The following ZNF536 variants were observed in gnomAD, a reference collection of about 807,000 sequenced individuals.
ZNF536 encodes zinc finger protein 536.
In ZNF536, 13 loss-of-function variants were observed where a neutral mutation model predicts 84.5. The observed-to-expected ratio is 0.15, with a 90% CI of 0.10 to 0.24. The LOEUF (loss-of-function observed/expected upper bound fraction) is 0.24, where lower values mean the gene tolerates loss of function less well. Ranked by LOEUF, ZNF536 falls within the 10% of genes least tolerant of loss-of-function variation. The pLI is 1.00. For missense variants in ZNF536, 1,536 were observed against 1,747.5 expected (o/e 0.88, Z 2.16); for synonymous variants, 811 against 742.5 (o/e 1.09, Z -1.50).
At chr19:30,541,461 T>C (rs1221127346) in intron 3 of ZNF536, among the ~76,000 whole-genome samples, 1 of 152,122 alleles carries the variant, frequency 6.6e-6, no homozygotes, top group Non-Finnish European at 1.5e-5. Context: ...GAATTAAAAT[T>C]CCATCATTTT....
chr19:30,603,363 G>T (rs892374227), intron 1 of ZNF536, among the ~76,000 whole-genome samples: 3 of 152,236 alleles, frequency 2.0e-5, no homozygotes, highest in African/African-American at 7.2e-5. Flanking sequence ...CAAAACTTCT[G>T]GTACCTGGCT....
chr19:30,651,711 G>A (rs1782844438), intron 1 of ZNF536, among the ~76,000 whole-genome samples: 1 of 152,128 alleles, frequency 6.6e-6, no homozygotes, highest in Admixed American at 6.5e-5. Flanking sequence ...ATAAAGAATT[G>A]TTGGGTATCG....
chr19:30,565,363 T>A (rs2046313896), intron 1 of ZNF536, among the ~76,000 whole-genome samples: 1 of 152,104 alleles, frequency 6.6e-6, no homozygotes. Context: ...CTGGGGAGAC[T>A]TGGCCTGCTA....
chr19:30,423,845 G>T (rs2051092544), intron 1 of ZNF536, among the ~76,000 whole-genome samples: 1 of 152,070 alleles, frequency 6.6e-6, no homozygotes, highest in African/African-American at 2.4e-5. Context: ...TCAGGGAGGT[G>T]GGGGCAGGTG....
At chr19:30,226,381 G>T (rs745720925), upstream of ZNF536, among the ~76,000 whole-genome samples, 18 of 152,174 alleles carry the variant, frequency 1.2e-4, no homozygotes, top group Non-Finnish European at 2.5e-4. This position sits in a 1 kb window ranked among gnomAD's most constrained non-coding sequence, Gnocchi z 4.6. Flanking sequence ...CCCGTGGAGA[G>T]AGGGTAATTT....
intron 2 of ZNF536, among the ~76,000 whole-genome samples, chr19:30,325,945 A>T (rs1311598977): frequency 6.6e-6 from 1 of 152,138 alleles, no homozygotes; most frequent in African/African-American, 2.4e-5. Flanking sequence ...CCCCTCCCAC[A>T]CCCGCAGATG....
chr19:30,438,480 C>T (rs1034880566), intron 1 of ZNF536, among the ~76,000 whole-genome samples: 4 of 152,048 alleles, frequency 2.6e-5, no homozygotes, highest in African/African-American at 9.7e-5. Context: ...GTCAGTGGGG[C>T]GTGTAGGCTA....
At chr19:30,676,409 A>T (rs2050755149) in intron 1 of ZNF536, among the ~76,000 whole-genome samples, 1 of 152,234 alleles carries the variant, frequency 6.6e-6, no homozygotes, top group Non-Finnish European at 1.5e-5. Context: ...AGGAAGTCAC[A>T]TGCCTCCATC....
intron 2 of ZNF536, among the ~76,000 whole-genome samples, chr19:30,471,219 C>T (rs2053622801): frequency 6.6e-6 from 1 of 152,144 alleles, no homozygotes; most frequent in Non-Finnish European, 1.5e-5. Context: ...CTCATCACAT[C>T]GTGTCCTATT....
At chr19:30,666,384 C>G (rs2050319105) in intron 1 of ZNF536, among the ~76,000 whole-genome samples, 1 of 152,162 alleles carries the variant, frequency 6.6e-6, no homozygotes, top group South Asian at 2.1e-4. Flanking sequence ...TTTCTCCCTC[C>G]CTTTCCCTGC....
At chr19:30,492,588 C>T (rs139248864) in intron 2 of ZNF536, among the ~76,000 whole-genome samples, 187 of 152,248 alleles carry the variant, frequency 1.2e-3, no homozygotes, top group African/African-American at 4.1e-3. Context: ...TTCTCATAAA[C>T]CTTCTTTGTA....
intron 1 of ZNF536, among the ~76,000 whole-genome samples, chr19:30,582,531 C>G (rs2046957698): frequency 6.6e-6 from 1 of 152,022 alleles, no homozygotes; most frequent in South Asian, 2.1e-4. Flanking sequence ...CCTGGGACTA[C>G]AGGTGCATGC....
At chr19:30,291,663 G>C (rs1212178786) in intron 2 of ZNF536, among the ~76,000 whole-genome samples, 1 of 152,186 alleles carries the variant, frequency 6.6e-6, no homozygotes, top group African/African-American at 2.4e-5. Flanking sequence ...CTGCCATACT[G>C]TTTTCCATAG....
chr19:30,645,824 A>G (rs902607842), intron 1 of ZNF536, among the ~76,000 whole-genome samples: 1 of 152,178 alleles, frequency 6.6e-6, no homozygotes, highest in Non-Finnish European at 1.5e-5. Context: ...ATCTAGACAC[A>G]TATGTTCTGA....
chr19:30,527,443 C>T (rs962959176), intron 2 of ZNF536, among the ~76,000 whole-genome samples: 1 of 151,800 alleles, frequency 6.6e-6, no homozygotes, highest in African/African-American at 2.4e-5. Flanking sequence ...TTGGTAATAA[C>T]CCACGAGCAA....
At chr19:30,628,722 G>A (rs182285403) in intron 1 of ZNF536, among the ~76,000 whole-genome samples, 35 of 149,246 alleles carry the variant, frequency 2.3e-4, no homozygotes, top group African/African-American at 7.2e-4. Context: ...TTTGTTTGAC[G>A]GAGTCTCGCT....
At chr19:30,414,988 T>C (rs1218220352) in intron 1 of ZNF536, among the ~76,000 whole-genome samples, 2 of 152,214 alleles carry the variant, frequency 1.3e-5, no homozygotes, top group African/African-American at 2.4e-5. Flanking sequence ...CTCATTCCTA[T>C]GTGGGTAAGC....
intron 2 of ZNF536, among the ~76,000 whole-genome samples, chr19:30,522,624 C>T (rs973663751): frequency 6.6e-6 from 1 of 152,064 alleles, no homozygotes; most frequent in Non-Finnish European, 1.5e-5. Context: ...TCCTAATAGG[C>T]ATGCTTTTCA....
chr19:30,379,253 C>T (rs1267940889), intron 1 of ZNF536, among the ~76,000 whole-genome samples: 2 of 152,102 alleles, frequency 1.3e-5, no homozygotes, highest in African/African-American at 2.4e-5. Context: ...CCAGTTGGTC[C>T]TGGCCACTTC....
Sources: gnomAD v4.1 joint callset for allele counts (sites outside exome capture counted in the v4.1 genomes callset) on GRCh38, gnomAD v4.1.1 for gene constraint, Gnocchi (gnomAD v3.1) non-coding constraint, MANE v1.5 for transcripts, NCBI Gene and HGNC (gene_info 2026-07-23, HGNC 2026-07-21) for gene names.